The following TRAF3 variants were observed in gnomAD, a reference collection of about 807,000 sequenced individuals.
TRAF3 encodes TNF receptor-associated factor 3.
Under a neutral mutation model 62.3 loss-of-function variants are expected in TRAF3, and 13 were observed. That is an observed-to-expected ratio of 0.21 (90% CI 0.14 to 0.33). The LOEUF is 0.33. Among genes scored for constraint, TRAF3 ranks in the 10% least tolerant of loss-of-function variants. TRAF3 has a pLI of 1.00. For missense variants in TRAF3, 440 were observed against 741.8 expected (o/e 0.59, Z 4.73); for synonymous variants, 269 against 283.4 (o/e 0.95, Z 0.51).
chr14:102,852,157 A>G (rs2139734901), intron 2 of TRAF3, among the ~76,000 whole-genome samples: 1 of 152,304 alleles, frequency 6.6e-6, no homozygotes, highest in South Asian at 2.1e-4. Flanking sequence ...TTTTTTACAG[A>G]CAAGGTCTCT....
rs760932932 is a variant in TRAF3, at chr14:102,908,312, G to A, written c.*2528G>A. The A allele has an allele frequency of 2.6e-5, 4 of 152,528 alleles. No individual in the cohort carries two copies. Among genetic ancestry groups the A allele is most frequent in the Non-Finnish European group, 5.9e-5 (4 of 68,258 alleles). The allele number at this position is 152,528 out of a possible 1,614,324, so 9.4% of individuals were successfully genotyped here. On this transcript the variant is annotated 3_prime_UTR_variant, in exon 12 of 12. Transcript: ENST00000392745. ...TCACACACTTTGTCCTTGAACCTGA[G>A]TGATGGGGGTCCTTGAGGATGGGAT...
intron 1 of TRAF3, among the ~76,000 whole-genome samples, chr14:102,819,290 G>A (rs758650898): frequency 1.1e-4 from 16 of 151,980 alleles, no homozygotes; most frequent in African/African-American, 2.4e-4. Context: ...CCCTCTGCTC[G>A]GGCCCTTCCT....
intron 2 of TRAF3, chr14:102,865,914 G>T (rs1049235071): frequency 2.0e-5 from 3 of 152,322 alleles, no homozygotes; most frequent in Admixed American, 6.5e-5. Context: ...GATTAGCATG[G>T]CCCCTGCACA....
chr14:102,840,251 C>G (rs1886298329), intron 2 of TRAF3, among the ~76,000 whole-genome samples: 2 of 152,212 alleles, frequency 1.3e-5, no homozygotes, highest in South Asian at 2.1e-4. Context: ...AAGACAGGGT[C>G]TTGCTCTATT....
intron 2 of TRAF3, among the ~76,000 whole-genome samples, chr14:102,857,820 A>G (rs1001873676): frequency 6.6e-6 from 1 of 152,254 alleles, no homozygotes; most frequent in African/African-American, 2.4e-5. Flanking sequence ...GTTGCAAAAG[A>G]AAACAGATTC....
intron 7 of TRAF3, among the ~76,000 whole-genome samples, chr14:102,888,253 C>CA (rs1258741685): frequency 1.3e-5 from 2 of 152,230 alleles, no homozygotes; most frequent in African/African-American, 2.4e-5. Context: ...AGTCACCTGT[C>CA]ACGTGCCTTG....
intron 1 of TRAF3, among the ~76,000 whole-genome samples, chr14:102,785,369 A>C (rs1235353524): frequency 2.0e-5 from 3 of 152,184 alleles, no homozygotes; most frequent in Non-Finnish European, 2.9e-5. Flanking sequence ...TGCTTCTTAC[A>C]GCTTGCTGAG....
At chr14:102,852,127 CATTTTATTTTT>C (rs1198990351) in intron 2 of TRAF3, among the ~76,000 whole-genome samples, 1 of 151,978 alleles carries the variant, frequency 6.6e-6, no homozygotes, top group Non-Finnish European at 1.5e-5. Context: ...CCCTTACAGA[CATTTTATTTTT>C]ATTTTATTTT....
intron 11 of TRAF3, 121 bp from the exon 12 acceptor site, chr14:102,905,092 A>G (rs1890519760): frequency 1.9e-6 from 2 of 1,043,172 alleles, no homozygotes; most frequent in Admixed American, 2.0e-5. Context: ...AGTCTGGGCA[A>G]CAGAGCGAGA....
intron 1 of TRAF3, among the ~76,000 whole-genome samples, chr14:102,817,077 G>A (rs572434679): frequency 2.6e-5 from 4 of 152,268 alleles, no homozygotes; most frequent in Non-Finnish European, 4.4e-5. Context: ...AGAGAGGAAC[G>A]GGTACCAAGG....
intron 1 of TRAF3, among the ~76,000 whole-genome samples, chr14:102,828,675 T>A (rs1900472447): frequency 6.6e-6 from 1 of 152,230 alleles, no homozygotes; most frequent in Non-Finnish European, 1.5e-5. Flanking sequence ...GAATTATGAT[T>A]GAATAGACCT....
chr14:102,800,536 C>CT (rs1898334114), intron 1 of TRAF3, among the ~76,000 whole-genome samples: 1 of 152,180 alleles, frequency 6.6e-6, no homozygotes, highest in Admixed American at 6.5e-5. Flanking sequence ...AGCCACAGTG[C>CT]TGAAACCCCA....
intron 2 of TRAF3, among the ~76,000 whole-genome samples, chr14:102,838,087 C>T (rs573057465): frequency 6.6e-6 from 1 of 152,348 alleles, no homozygotes; most frequent in African/African-American, 2.4e-5. Flanking sequence ...TCGAGGTAGA[C>T]CGCTGTGCCG....
intron 7 of TRAF3, among the ~76,000 whole-genome samples, chr14:102,888,148 C>T (rs578047739): frequency 6.6e-6 from 1 of 152,330 alleles, no homozygotes; most frequent in South Asian, 2.1e-4. Context: ...CGTTGACACT[C>T]AGGTTTGTTA....
rs776782540 is a variant in TRAF3, at chr14:102,870,411, C to T, written c.210C>T (p.His70=). 7 of 1,613,964 alleles carry T rather than the reference C, an allele frequency of 4.3e-6. No homozygotes were observed. Among genetic ancestry groups the T allele is most frequent in the African/African-American group, 2.7e-5 (2 of 74,938 alleles). The change falls in exon 3 of 12, where the codon CAC becomes CAT. Residue 70 remains histidine, a synonymous_variant. Transcript: ENST00000392745. Reference sequence around the variant, plus strand: ...GCCCGAAGCAGACCGAGTGTGGGCACCGCTTCTGCGAGAGCTGCATGGCGG... The same window carrying T: ...GCCCGAAGCAGACCGAGTGTGGGCATCGCTTCTGCGAGAGCTGCATGGCGG... ...LCSPKQTECG[H]RFCESCMAAL...
At chr14:102,881,087 C>CA (rs1021913775) in intron 6 of TRAF3, among the ~76,000 whole-genome samples, 7 of 149,274 alleles carry the variant, frequency 4.7e-5, no homozygotes, top group African/African-American at 1.5e-4. Context: ...AACTCCGTCT[C>CA]AAAAAAAAAG....
rs1890783488 is a variant in TRAF3, at chr14:102,910,032, T to A, written c.*4248T>A. On this transcript the variant is annotated 3_prime_UTR_variant, in exon 12 of 12. Transcript: ENST00000392745. ...TGATCCCAACAGCTGGGCTGACACC[T>A]CCTTTCTCCCCTGCACGGGGAGGAT... 1.3e-5 allele frequency: 2 copies of A among 152,176 alleles called. No individual in the cohort carries two copies. The highest frequency in any genetic ancestry group is 1.3e-4 in the Admixed American group (2 of 15,276). 9.4% of individuals were successfully genotyped at this position (152,176 alleles called of 1,614,324 possible).
chr14:102,899,385 G>A (rs916024107), intron 10 of TRAF3, among the ~76,000 whole-genome samples: 3 of 152,146 alleles, frequency 2.0e-5, no homozygotes, highest in Admixed American at 6.5e-5. Context: ...CAGCTCAGCC[G>A]TGTTCCCCAC....
chr14:102,801,879 G>A lies in TRAF3; in HGVS notation c.-157+24204G>A, dbSNP rs1249128620. Among the ~76,000 whole-genome samples, 38 of 151,154 alleles carry A rather than the reference G, an allele frequency of 2.5e-4. 1 individual carries two copies. The highest frequency in any genetic ancestry group is 2.4e-3 in the Admixed American group (36 of 15,162). On this transcript the variant is annotated intron_variant, in intron 1 of 11. Coordinates refer to ENST00000392745, the MANE Select transcript of TRAF3 (RefSeq NM_145725.3). ...AAAATACAAAAAATTAGCCGGGCGT[G>A]GTGGCGGGCGCCTGTAGTCCCAGCT...
Sources: gnomAD v4.1 joint callset for allele counts (sites outside exome capture counted in the v4.1 genomes callset) on GRCh38, gnomAD v4.1.1 for gene constraint, MANE v1.5 for transcripts, NCBI Gene and HGNC (gene_info 2026-07-23, HGNC 2026-07-21) for gene names.